Variants in CNTN5 observed in about 807,000 individuals in gnomAD.
The protein encoded by CNTN5 is contactin 5, also known as contactin-5.
A neutral mutation model predicts 129.1 loss-of-function variants in CNTN5; 77 were observed. That is an observed-to-expected ratio of 0.60 (90% CI 0.50 to 0.72). CNTN5 has a LOEUF of 0.72. Ranked by LOEUF, CNTN5 falls within the 30% of genes least tolerant of loss-of-function variation. The probability of loss-of-function intolerance (pLI) is 0.00; values close to 1 mark genes in which losing one functional copy is unlikely to be tolerated. For missense variants in CNTN5, 1,478 were observed against 1,328.8 expected (o/e 1.11, Z -1.75); for synonymous variants, 509 against 465.6 (o/e 1.09, Z -1.20).
chr11:100,123,659 G>A (rs376227959), intron 13 of CNTN5, among the ~76,000 whole-genome samples: 1 of 151,932 alleles, frequency 6.6e-6, no homozygotes, highest in Non-Finnish European at 1.5e-5. Context: ...AACTCAAAAT[G>A]CTTTGAGGAA....
intron 2 of CNTN5, among the ~76,000 whole-genome samples, chr11:99,376,347 A>G (rs751970279): frequency 5.9e-5 from 9 of 152,192 alleles, no homozygotes; most frequent in Non-Finnish European, 1.0e-4. Flanking sequence ...CCAAAACATG[A>G]TGAAGGTGAG....
At chr11:100,346,805 C>T (rs570339260) in intron 23 of CNTN5, among the ~76,000 whole-genome samples, 1 of 152,228 alleles carries the variant, frequency 6.6e-6, no homozygotes, top group East Asian at 1.9e-4. Flanking sequence ...CTAATAAAGT[C>T]ATTCCTGAGA....
chr11:99,612,970 G>A (rs1950635780), intron 3 of CNTN5, among the ~76,000 whole-genome samples: 1 of 152,142 alleles, frequency 6.6e-6, no homozygotes. Flanking sequence ...GCCAATGCAA[G>A]TGTGGAGCCC....
At chr11:99,623,896 C>T (rs907354674) in intron 3 of CNTN5, among the ~76,000 whole-genome samples, 1 of 152,072 alleles carries the variant, frequency 6.6e-6, no homozygotes, top group Non-Finnish European at 1.5e-5. Flanking sequence ...ATTTAAATAA[C>T]TGTAGTTCTC....
intron 3 of CNTN5, among the ~76,000 whole-genome samples, chr11:99,757,521 T>A (rs536404172): frequency 6.6e-6 from 1 of 152,030 alleles, no homozygotes; most frequent in East Asian, 1.9e-4. Flanking sequence ...TGTGGCTCAG[T>A]CTGTTTCTGT....
chr11:99,191,301 T>G (rs992705151), intron 1 of CNTN5, among the ~76,000 whole-genome samples: 4 of 151,818 alleles, frequency 2.6e-5, no homozygotes, highest in African/African-American at 9.7e-5. Context: ...CTATAATTTT[T>G]TTGTAGTTTT....
At chr11:100,210,316 C>T (rs1949004071) in intron 15 of CNTN5, among the ~76,000 whole-genome samples, 1 of 147,358 alleles carries the variant, frequency 6.8e-6, no homozygotes, top group Non-Finnish European at 1.5e-5. Context: ...TGCCACTGCA[C>T]TCCAACCTGG....
intron 2 of CNTN5, among the ~76,000 whole-genome samples, chr11:99,433,812 T>C (rs943845264): frequency 6.6e-6 from 1 of 152,170 alleles, no homozygotes; most frequent in African/African-American, 2.4e-5. Context: ...TTGAAAGTTT[T>C]TTAAAGAGGG....
chr11:100,210,085 C>T (rs1948995402), intron 15 of CNTN5, among the ~76,000 whole-genome samples: 1 of 150,668 alleles, frequency 6.6e-6, no homozygotes. Context: ...CCTGAAATCC[C>T]AGCATTTTCA....
At chr11:99,162,138 G>A (rs1440829742) in intron 1 of CNTN5, among the ~76,000 whole-genome samples, 1 of 152,002 alleles carries the variant, frequency 6.6e-6, no homozygotes, top group East Asian at 1.9e-4. Context: ...TGGGAGCGTG[G>A]CATGGTTGAT....
intron 2 of CNTN5, among the ~76,000 whole-genome samples, chr11:99,450,768 G>GTTTTTTTTTT (rs34146715): frequency 6.7e-5 from 7 of 105,004 alleles, no homozygotes; most frequent in Admixed American, 1.1e-4. Flanking sequence ...ATTGAAGCAA[G>GTTTTTTTTTT]TTTTTTTTTT....
At chr11:99,879,418 C>A (rs890565044) in intron 6 of CNTN5, among the ~76,000 whole-genome samples, 1 of 151,988 alleles carries the variant, frequency 6.6e-6, no homozygotes, top group South Asian at 2.1e-4. Context: ...ATCACCGGAC[C>A]AGATAGTACA....
At chr11:100,290,920 A>G (rs992675833) in intron 18 of CNTN5, among the ~76,000 whole-genome samples, 3 of 151,922 alleles carry the variant, frequency 2.0e-5, no homozygotes, top group Admixed American at 6.6e-5. Flanking sequence ...AGAAAAAAAC[A>G]AACAACCCCA....
chr11:99,822,261 A>G (rs1268709834), intron 4 of CNTN5, among the ~76,000 whole-genome samples: 1 of 152,214 alleles, frequency 6.6e-6, no homozygotes, highest in Non-Finnish European at 1.5e-5. Flanking sequence ...ACTTCCGGAT[A>G]TACAACTTGG....
chr11:99,538,870 T>C (rs1438827993), intron 2 of CNTN5, among the ~76,000 whole-genome samples: 2 of 152,102 alleles, frequency 1.3e-5, no homozygotes, highest in African/African-American at 4.8e-5. Context: ...TTTGCAAACA[T>C]AATTTTTAAA....
At chr11:99,297,748 T>C (rs1463512564) in intron 1 of CNTN5, among the ~76,000 whole-genome samples, 2 of 152,296 alleles carry the variant, frequency 1.3e-5, no homozygotes, top group South Asian at 2.1e-4. Context: ...TGATTTTTCA[T>C]ACCTCAGCAT....
At chr11:99,234,726 T>C (rs117003194) in intron 1 of CNTN5, among the ~76,000 whole-genome samples, 4,765 of 151,904 alleles carry the variant, frequency 0.031, 109 homozygotes, top group Middle Eastern at 0.072. Flanking sequence ...TAAATAATAA[T>C]GTAAATTTTA....
intron 17 of CNTN5, among the ~76,000 whole-genome samples, chr11:100,265,814 A>T (rs781479512): frequency 1.1e-4 from 16 of 152,164 alleles, no homozygotes; most frequent in African/African-American, 3.9e-4. Context: ...CAGCCATAAC[A>T]TCTCACTTGC....
intron 3 of CNTN5, among the ~76,000 whole-genome samples, chr11:99,753,140 T>TTTTTTTA (rs1944290745): frequency 6.8e-6 from 1 of 146,066 alleles, no homozygotes; most frequent in Admixed American, 6.9e-5. Flanking sequence ...TTTTTTTTTT[T>TTTTTTTA]GAGATGGAGT....
Sources: gnomAD v4.1 joint callset for allele counts (sites outside exome capture counted in the v4.1 genomes callset) on GRCh38, gnomAD v4.1.1 for gene constraint, MANE v1.5 for transcripts, NCBI Gene and HGNC (gene_info 2026-07-23, HGNC 2026-07-21) for gene names.